LMO7: variants seen among roughly 807,000 people sequenced by gnomAD.
LMO7 encodes LIM domain 7, also known as LIM domain only protein 7.
A neutral mutation model predicts 206.5 loss-of-function variants in LMO7; 120 were observed. That is an observed-to-expected ratio of 0.58 (90% CI 0.50 to 0.68). The LOEUF is 0.68. Among genes scored for constraint, LMO7 ranks in the 30% least tolerant of loss-of-function variants. The probability of loss-of-function intolerance (pLI) is 0.00; values close to 1 mark genes in which losing one functional copy is unlikely to be tolerated. For synonymous variants in LMO7, 706 were observed against 681.5 expected, an observed-to-expected ratio of 1.04 and a Z score of -0.56; for missense variants, 1,959 against 1,957.9, an observed-to-expected ratio of 1.00 and a Z score of -0.01.
chr13:75,798,614 T>G (rs185742875), intron 6 of LMO7, among the ~76,000 whole-genome samples: 1 of 152,340 alleles, frequency 6.6e-6, no homozygotes, highest in Non-Finnish European at 1.5e-5. Flanking sequence ...GTTAGAGGTA[T>G]GTGACTATAT....
chr13:75,793,393 A>T (rs1413708097), intron 4 of LMO7, among the ~76,000 whole-genome samples: 1 of 152,152 alleles, frequency 6.6e-6, no homozygotes, highest in Non-Finnish European at 1.5e-5. Flanking sequence ...CTCCTGCCTC[A>T]GCCTCCTGAG....
chr13:75,821,328 C>G lies in LMO7; in HGVS notation c.2359C>G (p.Pro787Ala), dbSNP rs41286126. Residue 787 changes from proline to alanine, a missense_variant, in exon 14 of 31, where the codon CCT becomes GCT. By Grantham distance (27) the Pro-to-Ala change is conservative (BLOSUM62 -1). Transcript: ENST00000377534. ...ERVEEKGATY[P>A]SEIPKEDSTT... ...AGTAGAAGAGAAGGGAGCAACTTAT[C>G]CTTCAGAAATTCCCAAAGAAGATTC... 1 of 1,614,036 alleles carries G rather than the reference C, an allele frequency of 6.2e-7. No individual in the cohort carries two copies. The highest frequency in any genetic ancestry group is 1.7e-5 in the Admixed American group (1 of 60,010).
chr13:75,820,521 T>C (rs997776317), intron 13 of LMO7, among the ~76,000 whole-genome samples: 1 of 152,230 alleles, frequency 6.6e-6, no homozygotes, highest in African/African-American at 2.4e-5. Context: ...ATATTTATAG[T>C]GTTTTAATTT....
rs200072934 is a variant in LMO7 at position 75,637,336 on chromosome 13, TC to T, written c.69+612del. Among the ~76,000 whole-genome samples, 974 of 152,108 alleles carry T rather than the reference TC, an allele frequency of 6.4e-3. 6 individuals carry two copies. The highest frequency in any genetic ancestry group is 0.017 in the Middle Eastern group (5 of 294). On this transcript the variant is annotated intron_variant, in intron 1 of 30. Transcript: ENST00000377534. ...ATTTTCGGCTTTGATGAGACTGAGA[TC>T]CTAGGATCATTCGCTGAAGAGCTGT...
chr13:75,829,910 G>T (rs945478199), intron 15 of LMO7, among the ~76,000 whole-genome samples: 1 of 152,088 alleles, frequency 6.6e-6, no homozygotes, highest in Non-Finnish European at 1.5e-5. Context: ...TAATTTGAGG[G>T]AAATTTTTTA....
At chr13:75,851,911 A>C (rs2060529765) in intron 27 of LMO7, among the ~76,000 whole-genome samples, 1 of 152,152 alleles carries the variant, frequency 6.6e-6, no homozygotes, top group Non-Finnish European at 1.5e-5. Context: ...TTTGAAAGCC[A>C]GTGCCACCAT....
chr13:75,749,535 T>A (rs1238889082), intron 3 of LMO7, among the ~76,000 whole-genome samples: 1 of 152,128 alleles, frequency 6.6e-6, no homozygotes, highest in African/African-American at 2.4e-5. Flanking sequence ...GTAACCCGAG[T>A]GGATGAAGCA....
At chr13:75,797,911 A>G (rs2054240507) in intron 6 of LMO7, among the ~76,000 whole-genome samples, 1 of 151,680 alleles carries the variant, frequency 6.6e-6, no homozygotes, top group Non-Finnish European at 1.5e-5. Flanking sequence ...GAAAACACTC[A>G]TGAGAGACTA....
At chr13:75,830,601 A>G (rs1264565669) in intron 15 of LMO7, among the ~76,000 whole-genome samples, 3 of 152,152 alleles carry the variant, frequency 2.0e-5, no homozygotes. Flanking sequence ...CCACAGGGAC[A>G]CTGTCCTTCT....
At chr13:75,813,460 G>A (rs895808864) in intron 11 of LMO7, among the ~76,000 whole-genome samples, 2 of 152,204 alleles carry the variant, frequency 1.3e-5, no homozygotes, top group Non-Finnish European at 2.9e-5. Context: ...TTAGGGTGGG[G>A]TGAAAACTGG....
chr13:75,787,634 A>T (rs2052644028), intron 4 of LMO7, among the ~76,000 whole-genome samples: 1 of 152,194 alleles, frequency 6.6e-6, no homozygotes, highest in South Asian at 2.1e-4. Flanking sequence ...ATTTGGGTTC[A>T]CTAATTGTCT....
At chr13:75,830,336 A>G (rs2058542193) in intron 15 of LMO7, among the ~76,000 whole-genome samples, 1 of 152,132 alleles carries the variant, frequency 6.6e-6, no homozygotes, top group Admixed American at 6.6e-5. Flanking sequence ...TGAAACCACA[A>G]CCACCCACTT....
chr13:75,760,883 G>T (rs1412696053), intron 3 of LMO7, 49 bp from the exon 4 acceptor site: 1 of 1,608,112 alleles, frequency 6.2e-7, no homozygotes, highest in South Asian at 1.1e-5. Flanking sequence ...TGTAACCTTT[G>T]TCTGAGAGAG....
At chr13:75,659,665 G>A (rs1192918760) in intron 1 of LMO7, among the ~76,000 whole-genome samples, 1 of 152,114 alleles carries the variant, frequency 6.6e-6, no homozygotes, top group African/African-American at 2.4e-5. Context: ...CACAACACAT[G>A]GGAATTCTGG....
intron 4 of LMO7, among the ~76,000 whole-genome samples, chr13:75,777,164 C>CT (rs924265020): frequency 6.6e-6 from 1 of 151,978 alleles, no homozygotes; most frequent in African/African-American, 2.4e-5. Flanking sequence ...TGTTTTATTT[C>CT]TTTTTTTTCT....
intron 3 of LMO7, among the ~76,000 whole-genome samples, chr13:75,747,464 G>C (rs968578854): frequency 6.6e-6 from 1 of 152,162 alleles, no homozygotes; most frequent in African/African-American, 2.4e-5. Context: ...CGAGAAGTTA[G>C]GTGAATTCTA....
chr13:75,635,022 AC>A (rs1160971374), upstream of LMO7, among the ~76,000 whole-genome samples: 8 of 115,012 alleles, frequency 7.0e-5, no homozygotes, highest in South Asian at 6.0e-4. Flanking sequence ...ACAAAACAAA[AC>A]AAAACAAAAC....
intron 1 of LMO7, among the ~76,000 whole-genome samples, chr13:75,710,023 C>T (rs1275361568): frequency 6.6e-6 from 1 of 152,160 alleles, no homozygotes; most frequent in African/African-American, 2.4e-5. Context: ...ATATGGCTAG[C>T]CAGTTTTCCC....
At chr13:75,834,170 T>A in intron 16 of LMO7, 56 bp from the exon 17 acceptor site, 2 of 1,344,320 alleles carry the variant, frequency 1.5e-6, no homozygotes, top group Non-Finnish European at 2.1e-6. Context: ...AAGCAGCAAC[T>A]AATAGAACAT....
Sources: allele counts gnomAD v4.1 joint callset (sites outside exome capture counted in the v4.1 genomes callset), GRCh38; gene constraint gnomAD v4.1.1; transcripts MANE v1.5; gene names NCBI Gene and HGNC (gene_info 2026-07-23, HGNC 2026-07-21).